CTBS: variants seen among roughly 807,000 people sequenced by gnomAD.
The protein encoded by CTBS is di-N-acetylchitobiase.
In CTBS, 35 loss-of-function variants were observed where a neutral mutation model predicts 44.3. The ratio of observed to expected loss-of-function variants is 0.79; its 90% confidence interval spans 0.60 to 1.05. CTBS has a LOEUF of 1.05. Among genes scored for constraint, CTBS ranks in the 50% least tolerant of loss-of-function variants. The probability of loss-of-function intolerance (pLI) is 0.00; values close to 1 mark genes in which losing one functional copy is unlikely to be tolerated. For missense variants in CTBS, 458 were observed against 475.3 expected (o/e 0.96, Z 0.34); for synonymous variants, 143 against 168.0 (o/e 0.85, Z 1.15).
intron 6 of CTBS, among the ~76,000 whole-genome samples, chr1:84,559,127 C>G (rs1440983179): frequency 1.3e-5 from 2 of 152,164 alleles, no homozygotes; most frequent in East Asian, 1.9e-4. Flanking sequence ...TATGGCAACT[C>G]TATTGAACAA....
Position 84,557,350 on chromosome 1 carries a change from T to C in CTBS, c.958-2151A>G, listed in dbSNP as rs1684465140. ...GAGTTCAAGACCAGCCTGGCCAACA[T>C]GGTGAAACCCTGCCTCTACTACAAA... On this transcript the variant is annotated intron_variant, in intron 6 of 6. Coordinates refer to ENST00000370630, the MANE Select transcript of CTBS (RefSeq NM_004388.3). 2.0e-5 allele frequency among the ~76,000 whole-genome samples: 3 copies of C among 151,168 alleles called. No homozygotes were observed. The South Asian group carries it at 6.3e-4, about 32-fold the overall frequency.
chr1:84,569,060 C>A (rs1402738533), intron 3 of CTBS, among the ~76,000 whole-genome samples: 1 of 152,176 alleles, frequency 6.6e-6, no homozygotes, highest in East Asian at 1.9e-4. Flanking sequence ...AATTCTGAGA[C>A]AGGTTTAGGA....
chr1:84,559,557 G>A (rs932029405), intron 6 of CTBS, among the ~76,000 whole-genome samples: 1 of 152,144 alleles, frequency 6.6e-6, no homozygotes, highest in Admixed American at 6.5e-5. Flanking sequence ...AGGAGGCAGA[G>A]GTTGCAGTGA....
chr1:84,573,985 G>C, intron 1 of CTBS: 1 of 1,368,236 alleles, frequency 7.3e-7, no homozygotes. Context: ...GCTTGCCTTA[G>C]GAGGCAGATC....
intron 3 of CTBS, among the ~76,000 whole-genome samples, chr1:84,567,192 A>G (rs1684715666): frequency 6.6e-6 from 1 of 152,236 alleles, no homozygotes; most frequent in South Asian, 2.1e-4. Context: ...AGTTCCCTTT[A>G]TAATTCCGTG....
rs762588941 is a variant in CTBS, at chr1:84,570,562, T to C, written c.316+20A>G. 5.7e-5 allele frequency: 90 copies of C among 1,588,230 alleles called. No homozygotes were observed. The highest frequency in any genetic ancestry group is 1.7e-4 in the Middle Eastern group (1 of 5,980). On this transcript the variant is annotated intron_variant, in intron 2 of 6. Transcript: ENST00000370630. The stretch of plus-strand genomic sequence containing the variant: ...ATAAATTTCCCAATTGCTGCACACA[T>C]AGATCTGGAAACAACATACCTTTAA...
rs1405257474 is a variant in CTBS at position 84,552,254 on chromosome 1, G to C, written c.*2745C>G. The C allele has an allele frequency of 2.0e-5, 3 of 152,116 alleles. No individual in the cohort carries two copies. Among genetic ancestry groups the C allele is most frequent in the Admixed American group, 1.3e-4 (2 of 15,262 alleles). 9.4% of individuals were successfully genotyped at this position (152,116 alleles called of 1,614,324 possible). A position where few individuals can be genotyped will look rare whatever the true frequency, so the allele number is the denominator to read the frequency against. On this transcript the variant is annotated 3_prime_UTR_variant, in exon 7 of 7. Coordinates refer to ENST00000370630, the MANE Select transcript of CTBS (RefSeq NM_004388.3). ...TTCAAGATAGTATAGCATAAGTAGT[G>C]CTTCTCAAAGTTTAATATATCATCT...
At chr1:84,558,730 G>A (rs950122223) in intron 6 of CTBS, among the ~76,000 whole-genome samples, 5 of 151,728 alleles carry the variant, frequency 3.3e-5, no homozygotes, top group African/African-American at 7.3e-5. Flanking sequence ...GAAAGACCCC[G>A]TCTCTACAAA....
At chr1:84,570,275 C>A in intron 2 of CTBS, 136 bp from the exon 3 acceptor site, 1 of 705,910 alleles carries the variant, frequency 1.4e-6, no homozygotes, top group South Asian at 1.9e-5. Flanking sequence ...TCATGAATCT[C>A]CAAAATAACC....
intron 4 of CTBS, 41 bp downstream of exon 4, chr1:84,565,800 T>C (rs753887233): frequency 2.8e-6 from 3 of 1,061,720 alleles, no homozygotes; most frequent in Non-Finnish European, 3.7e-6. Flanking sequence ...TTATAGAATA[T>C]TATTAATATT....
intron 1 of CTBS, among the ~76,000 whole-genome samples, chr1:84,572,688 CAT>C (rs1217274519): frequency 6.7e-6 from 1 of 149,960 alleles, no homozygotes; most frequent in African/African-American, 2.5e-5. Flanking sequence ...TTTTTTGAGA[CAT>C]AGTCTTGCTC....
rs1276110755 is a variant in CTBS at position 84,552,935 on chromosome 1, CAGTT to C, written c.*2060_*2063del. 4 of 713,726 alleles carry C rather than the reference CAGTT, an allele frequency of 5.6e-6. No homozygotes were observed. The highest frequency in any genetic ancestry group is 5.9e-5 in the East Asian group (2 of 33,950). 44.2% of individuals were successfully genotyped at this position (713,726 alleles called of 1,614,324 possible). A position where few individuals can be genotyped will look rare whatever the true frequency, so the allele number is the denominator to read the frequency against. ...AGCACTGAAGCCAAATGAGAGAAGACAGTTAAAGCGGTTACAAAAACCCTGTTTA... is the reference window on the plus strand; with the variant it reads ...AGCACTGAAGCCAAATGAGAGAAGACAAAGCGGTTACAAAAACCCTGTTTA... On this transcript the variant is annotated 3_prime_UTR_variant, in exon 7 of 7. Coordinates refer to ENST00000370630, the MANE Select transcript of CTBS (RefSeq NM_004388.3).
chr1:84,554,678 G>A lies in CTBS; in HGVS notation c.*321C>T, dbSNP rs550218373. 6.7e-5 allele frequency: 13 copies of A among 194,418 alleles called. No individual in the cohort carries two copies. Among genetic ancestry groups the A allele is most frequent in the Admixed American group, 2.7e-4 (5 of 18,528 alleles). The allele number at this position is 194,418 out of a possible 1,614,324, so 12.0% of individuals were successfully genotyped here. A position where few individuals can be genotyped will look rare whatever the true frequency, so the allele number is the denominator to read the frequency against. On this transcript the variant is annotated 3_prime_UTR_variant, in exon 7 of 7. Coordinates refer to ENST00000370630, the MANE Select transcript of CTBS (RefSeq NM_004388.3). ...ATATTTTAAAAATCAGCATTGATTC[G>A]TGAGCATATATTTTACTATAATGAA...
chr1:84,555,167 A>G lies in CTBS; in HGVS notation c.990T>C (p.Tyr330=). 1 of 1,613,878 alleles carries G rather than the reference A, an allele frequency of 6.2e-7. No homozygotes were observed. The highest frequency in any genetic ancestry group is 1.1e-5 in the South Asian group (1 of 91,036). The part of the protein sequence containing the change: ...DPAGHFHQVW[Y]DNPQSISLKA... ...TTAAAGAAATACTCTGAGGGTTATC[A>G]TACCATACTTGATGAAAGTGGCCAG... Residue 330 remains tyrosine (Y), a synonymous_variant, in exon 7 of 7, where the codon TAT becomes TAC. Transcript: ENST00000370630.
intron 1 of CTBS, among the ~76,000 whole-genome samples, chr1:84,573,472 C>T (rs1296092393): frequency 6.6e-6 from 1 of 152,210 alleles, no homozygotes; most frequent in African/African-American, 2.4e-5. Flanking sequence ...ATTTCTTCTC[C>T]TAAGTCATGT....
At chr1:84,574,213 C>G in intron 1 of CTBS, 26 bp downstream of exon 1, 1 of 1,599,538 alleles carries the variant, frequency 6.3e-7, no homozygotes, top group South Asian at 1.1e-5. Flanking sequence ...AAGCCCAGAC[C>G]TAGAGGAGCA....
rs1303624318 is a variant in CTBS, at chr1:84,553,767, A to C, written c.*1232T>G. On this transcript the variant is annotated 3_prime_UTR_variant, in exon 7 of 7. Transcript: ENST00000370630. Reference sequence around the variant, plus strand: ...AGATGGTTCAATCATCATGTATTCCAATTTACAGGGGCAAAATGTGCAGGG... The same window carrying C: ...AGATGGTTCAATCATCATGTATTCCCATTTACAGGGGCAAAATGTGCAGGG... 3.3e-5 allele frequency: 5 copies of C among 152,210 alleles called. No homozygotes were observed. The highest frequency in any genetic ancestry group is 7.3e-5 in the Non-Finnish European group (5 of 68,036). 9.4% of individuals were successfully genotyped at this position (152,210 alleles called of 1,614,324 possible).
At chr1:84,563,940 T>TA in intron 4 of CTBS, 108 bp from the exon 5 acceptor site, 6 of 1,226,778 alleles carry the variant, frequency 4.9e-6, no homozygotes, top group Non-Finnish European at 6.4e-6. Context: ...AGTACATTTA[T>TA]AAAAAACACT....
chr1:84,562,473 G>C (rs138482716), intron 6 of CTBS, among the ~76,000 whole-genome samples: 1 of 152,184 alleles, frequency 6.6e-6, no homozygotes, highest in African/African-American at 2.4e-5. Context: ...TTATAAATGG[G>C]TACCAGACCA....
Sources: allele counts gnomAD v4.1 joint callset (sites outside exome capture counted in the v4.1 genomes callset), GRCh38; gene constraint gnomAD v4.1.1; transcripts MANE v1.5; gene names NCBI Gene and HGNC (gene_info 2026-07-23, HGNC 2026-07-21).